Variants in VWC2 observed in about 807,000 individuals in gnomAD.
VWC2 encodes brorin.
In VWC2, 14 loss-of-function variants were observed where a neutral mutation model predicts 29.8. That is an observed-to-expected ratio of 0.47 (90% CI 0.31 to 0.74). VWC2 has a LOEUF of 0.74. VWC2 is among the 30% of genes least tolerant of loss of function. The probability of loss-of-function intolerance (pLI) is 0.05; values close to 1 mark genes in which losing one functional copy is unlikely to be tolerated. For missense variants in VWC2, 457 were observed against 459.8 expected, an observed-to-expected ratio of 0.99 and a Z score of 0.05; for synonymous variants, 213 against 199.0, an observed-to-expected ratio of 1.07 and a Z score of -0.59.
intron 2 of VWC2, among the ~76,000 whole-genome samples, chr7:49,797,580 G>A (rs890412032): frequency 6.0e-4 from 91 of 152,274 alleles, no homozygotes; most frequent in African/African-American, 2.0e-3. Flanking sequence ...CCCTGTTTGT[G>A]GGGGTCAGGT....
At chr7:49,859,209 G>T (rs371343843) in intron 3 of VWC2, among the ~76,000 whole-genome samples, 1 of 152,266 alleles carries the variant, frequency 6.6e-6, no homozygotes, top group African/African-American at 2.4e-5. Context: ...TTCTTTAAGG[G>T]TTTTATATAT....
At chr7:49,881,746 C>T (rs1029105174) in intron 3 of VWC2, among the ~76,000 whole-genome samples, 4 of 152,102 alleles carry the variant, frequency 2.6e-5, no homozygotes, top group African/African-American at 9.7e-5. Context: ...ATAGGCAATT[C>T]ATCTCTTTAA....
chr7:49,835,582 G>A (rs1320145326), intron 3 of VWC2, among the ~76,000 whole-genome samples: 1 of 152,216 alleles, frequency 6.6e-6, no homozygotes, highest in Non-Finnish European at 1.5e-5. Flanking sequence ...TTTTTAAAAG[G>A]AGGACGGAGA....
At chr7:49,849,713 C>T (rs139972690) in intron 3 of VWC2, among the ~76,000 whole-genome samples, 1 of 152,318 alleles carries the variant, frequency 6.6e-6, no homozygotes, top group East Asian at 1.9e-4. Context: ...TTGTGGATGT[C>T]AGCAGAAGCC....
chr7:49,891,006 C>CA (rs1223363927), intron 3 of VWC2, among the ~76,000 whole-genome samples: 1 of 152,010 alleles, frequency 6.6e-6, no homozygotes, highest in East Asian at 1.9e-4. Context: ...CTACTAAGGC[C>CA]ATAGATTTAA....
intron 2 of VWC2, among the ~76,000 whole-genome samples, chr7:49,788,396 A>G (rs974052370): frequency 6.6e-6 from 1 of 152,094 alleles, no homozygotes; most frequent in Non-Finnish European, 1.5e-5. Flanking sequence ...TGTCACTGCC[A>G]TCTCAAAGAA....
intron 3 of VWC2, among the ~76,000 whole-genome samples, chr7:49,837,526 G>T (rs1353271461): frequency 6.6e-6 from 1 of 152,186 alleles, no homozygotes; most frequent in Non-Finnish European, 1.5e-5. Context: ...GAAGGCCGGG[G>T]GAGGTCATGG....
Position 49,917,960 on chromosome 7 carries a change from T to C in VWC2, c.*5775T>C, listed in dbSNP as rs949343655. 6.6e-6 allele frequency: 1 copy of C among 152,150 alleles called. No individual in the cohort carries two copies. Among genetic ancestry groups the C allele is most frequent in the Non-Finnish European group, 1.5e-5 (1 of 68,000 alleles). 9.4% of individuals were successfully genotyped at this position (152,150 alleles called of 1,614,324 possible). On this transcript the variant is annotated 3_prime_UTR_variant, in exon 4 of 4. Transcript: ENST00000340652. ...ATTCTTTTCCTAAGCATATAATTCT[T>C]ATAATGGAAAAAAGTGAAAAGTATC...
intron 3 of VWC2, among the ~76,000 whole-genome samples, chr7:49,911,539 G>C (rs886219131): frequency 6.8e-6 from 1 of 146,132 alleles, no homozygotes; most frequent in African/African-American, 2.5e-5. Flanking sequence ...AACAAAAGTA[G>C]AGTATTTCAT....
At chr7:49,815,452 T>C (rs563682549) in intron 3 of VWC2, among the ~76,000 whole-genome samples, 1 of 152,346 alleles carries the variant, frequency 6.6e-6, no homozygotes, top group East Asian at 1.9e-4. Context: ...GTTGTGTAAA[T>C]GTATAAAGCC....
rs980645761 is a variant in VWC2, at chr7:49,870,321, A to T, written c.827-41713A>T. Among the ~76,000 whole-genome samples, 3 of 152,130 alleles carry T rather than the reference A, an allele frequency of 2.0e-5. No individual in the cohort carries two copies. The East Asian group carries it at 5.8e-4, about 29-fold the overall frequency. ...AGGCTGAGGCAGGAGAATGGCGTGA[A>T]CCCAGGAGGTGGAGCTTGCAGTGAG... On this transcript the variant is annotated intron_variant, in intron 3 of 3. Transcript: ENST00000340652.
At chr7:49,889,895 C>T (rs1314012950) in intron 3 of VWC2, among the ~76,000 whole-genome samples, 1 of 152,108 alleles carries the variant, frequency 6.6e-6, no homozygotes, top group African/African-American at 2.4e-5. Context: ...CATGTTAGAT[C>T]CCACTGAAAA....
intron 2 of VWC2, among the ~76,000 whole-genome samples, chr7:49,777,224 G>A (rs533436075): frequency 1.3e-5 from 2 of 152,298 alleles, no homozygotes; most frequent in African/African-American, 4.8e-5. Context: ...GTTATGGAAC[G>A]TGCAGCTACT....
chr7:49,840,861 G>C (rs1313775533), intron 3 of VWC2, among the ~76,000 whole-genome samples: 3 of 152,008 alleles, frequency 2.0e-5, no homozygotes, highest in Non-Finnish European at 4.4e-5. Context: ...TCTGACCCCC[G>C]AGTCAGAGCT....
chr7:49,784,967 T>G (rs1417909437), intron 2 of VWC2, among the ~76,000 whole-genome samples: 1 of 152,234 alleles, frequency 6.6e-6, no homozygotes, highest in Non-Finnish European at 1.5e-5. Flanking sequence ...GATATTGGGA[T>G]GTAAAATGAG....
chr7:49,900,937 G>A (rs1679021515), intron 3 of VWC2, among the ~76,000 whole-genome samples: 1 of 151,766 alleles, frequency 6.6e-6, no homozygotes, highest in Admixed American at 6.6e-5. Context: ...TTTATCCCAG[G>A]TATGCCTTAA....
At chr7:49,856,291 C>T (rs1790413765) in intron 3 of VWC2, among the ~76,000 whole-genome samples, 2 of 152,214 alleles carry the variant, frequency 1.3e-5, no homozygotes, top group South Asian at 4.2e-4. Context: ...GGTTCTCAAT[C>T]TATTATCTCA....
intron 2 of VWC2, among the ~76,000 whole-genome samples, chr7:49,788,452 TGTGTGTGTGTGTGTGTGAGAGAGA>T (rs1240642204): frequency 3.4e-5 from 5 of 149,172 alleles, no homozygotes; most frequent in African/African-American, 2.4e-5. Flanking sequence ...GGCCTGTGTG[TGTGTGTGTGTGTGTGTGAGAGAGA>T]GTGTGTGGGT....
At chr7:49,854,543 CACTTT>C (rs1790334661) in intron 3 of VWC2, among the ~76,000 whole-genome samples, 1 of 152,182 alleles carries the variant, frequency 6.6e-6, no homozygotes, top group African/African-American at 2.4e-5. Flanking sequence ...ATCCTTTGCC[CACTTT>C]TTGATGGGGT....
Sources: allele counts gnomAD v4.1 joint callset (sites outside exome capture counted in the v4.1 genomes callset), GRCh38; gene constraint gnomAD v4.1.1; transcripts MANE v1.5; gene names NCBI Gene and HGNC (gene_info 2026-07-23, HGNC 2026-07-21).